EYS: variants seen among roughly 807,000 people sequenced by gnomAD.
EYS encodes EGF-like photoreceptor maintenance factor.
A neutral mutation model predicts 282.1 loss-of-function variants in EYS; 250 were observed. The observed-to-expected ratio is 0.89, with a 90% CI of 0.80 to 0.98. EYS has a LOEUF of 0.98. Ranked by LOEUF, EYS falls within the 50% of genes least tolerant of loss-of-function variation. The pLI, the probability that EYS is intolerant of heterozygous loss-of-function variation, is 0.00. For missense variants in EYS, 4,016 were observed against 3,709.0 expected (o/e 1.08, Z -2.15); for synonymous variants, 1,355 against 1,282.9 (o/e 1.06, Z -1.20).
In EYS at chr6:65,066,058, A is replaced by T. The variant is rs372954442; in HGVS notation, c.2024-8331T>A. On this transcript the variant is annotated intron_variant, in intron 12 of 42. Transcript: ENST00000503581. ...TGACAACCACAAAAATAAAGAGGCTAGGGACATCATTGCTTGTTGATGGGC... is the reference window on the plus strand; with the variant it reads ...TGACAACCACAAAAATAAAGAGGCTTGGGACATCATTGCTTGTTGATGGGC... 1.4e-4 allele frequency among the ~76,000 whole-genome samples: 21 copies of T among 152,346 alleles called. No homozygotes were observed. The East Asian group carries it at 3.9e-3, about 28-fold the overall frequency.
At chr6:65,522,586 T>A (rs1767412524) in intron 2 of EYS, among the ~76,000 whole-genome samples, 1 of 152,170 alleles carries the variant, frequency 6.6e-6, no homozygotes, top group Non-Finnish European at 1.5e-5. Flanking sequence ...TATGTATGCA[T>A]ATTTTTGTAT....
intron 31 of EYS, among the ~76,000 whole-genome samples, chr6:64,182,630 C>T (rs1343204633): frequency 6.6e-6 from 1 of 152,160 alleles, no homozygotes; most frequent in African/African-American, 2.4e-5. Context: ...CATCAGTGAT[C>T]GTGTCCTGCT....
intron 36 of EYS, among the ~76,000 whole-genome samples, chr6:63,839,437 T>C (rs60885220): frequency 0.13 from 20,286 of 152,222 alleles, 1,700 homozygotes; most frequent in African/African-American, 0.24. Context: ...TGTATATGTA[T>C]GACATTTTCT....
rs79137782 is a variant in EYS, at chr6:63,828,545, C to T, written c.7229-22173G>A. ...ACCTGAAGAGAACAATAACAAGCAG[C>T]GAGAATGGAGAAAATCTTCACAATC... On this transcript the variant is annotated intron_variant, in intron 36 of 42. Coordinates refer to ENST00000503581, the MANE Select transcript of EYS (RefSeq NM_001142800.2). Among the ~76,000 whole-genome samples the T allele has an allele frequency of 3.1e-3, 478 of 152,148 alleles. 3 individuals are homozygous for T. Among genetic ancestry groups the T allele is most frequent in the Admixed American group, 9.0e-3 (137 of 15,280 alleles).
intron 1 of EYS, among the ~76,000 whole-genome samples, chr6:65,681,813 C>G (rs1307184903): frequency 6.6e-6 from 1 of 151,866 alleles, no homozygotes; most frequent in Non-Finnish European, 1.5e-5. Context: ...CTTTGAGCCT[C>G]TTGCTAGTTT....
intron 31 of EYS, among the ~76,000 whole-genome samples, chr6:64,116,877 G>A (rs560379622): frequency 6.6e-6 from 1 of 152,222 alleles, no homozygotes; most frequent in East Asian, 1.9e-4. Flanking sequence ...AGATATGCCA[G>A]TTGTAAATAT....
At chr6:64,936,281 A>G (rs1378947529) in intron 15 of EYS, among the ~76,000 whole-genome samples, 5 of 151,538 alleles carry the variant, frequency 3.3e-5, no homozygotes, top group Admixed American at 1.3e-4. Context: ...CAAACCAGAA[A>G]CAGGAGGGAA....
At position 63,827,347 on chromosome 6, in the gene EYS, G is replaced by A. The variant is rs557315884; in HGVS notation, c.7229-20975C>T. ...AGTGGGGGACTTCAATACTCCACTG[G>A]CAGCACTAAATACTTCATCAAGACA... is the stretch of plus-strand genomic sequence containing the variant. On this transcript the variant is annotated intron_variant, in intron 36 of 42. Coordinates refer to ENST00000503581, the MANE Select transcript of EYS (RefSeq NM_001142800.2). Among the ~76,000 whole-genome samples the A allele has an allele frequency of 7.2e-5, 11 of 152,274 alleles. No individual in the cohort carries two copies. In the South Asian group the frequency reaches 8.3e-4, roughly 11 times the overall value.
At chr6:64,074,732 G>A (rs1292045486) in intron 32 of EYS, among the ~76,000 whole-genome samples, 1 of 151,700 alleles carries the variant, frequency 6.6e-6, no homozygotes, top group Non-Finnish European at 1.5e-5. Context: ...TATTAAATCT[G>A]GAAATTTCCA....
intron 26 of EYS, among the ~76,000 whole-genome samples, chr6:64,445,142 G>T (rs888807540): frequency 6.6e-6 from 1 of 152,108 alleles, no homozygotes; most frequent in Admixed American, 6.5e-5. Context: ...ATTTTAAAAA[G>T]TCAGGACGAT....
chr6:65,398,500 G>A (rs1766374626), intron 7 of EYS, among the ~76,000 whole-genome samples: 1 of 151,524 alleles, frequency 6.6e-6, no homozygotes, highest in African/African-American at 2.4e-5. Flanking sequence ...CTTAAGACCT[G>A]TCATTTTAAA....
intron 19 of EYS, among the ~76,000 whole-genome samples, chr6:64,856,794 T>C (rs566590261): frequency 3.3e-5 from 5 of 152,238 alleles, no homozygotes; most frequent in South Asian, 4.1e-4. Context: ...TTTTTTCTTC[T>C]CTCATGGATC....
chr6:63,729,775 C>T (rs904753971), intron 41 of EYS, among the ~76,000 whole-genome samples: 1 of 152,066 alleles, frequency 6.6e-6, no homozygotes. Flanking sequence ...GCTTCATGTG[C>T]CCCTGTCTTA....
At chr6:64,898,946 G>C (rs1246565847) in intron 18 of EYS, among the ~76,000 whole-genome samples, 1 of 150,948 alleles carries the variant, frequency 6.6e-6, no homozygotes, top group Non-Finnish European at 1.5e-5. Context: ...GGAGCACCCA[G>C]ATTAATAAAG....
At chr6:64,424,125 G>A (rs1179912518) in intron 28 of EYS, among the ~76,000 whole-genome samples, 3 of 152,090 alleles carry the variant, frequency 2.0e-5, no homozygotes, top group Admixed American at 6.5e-5. Flanking sequence ...ATGATATAAA[G>A]TTTGACTCAA....
At chr6:65,257,592 G>A (rs1034078681) in intron 12 of EYS, among the ~76,000 whole-genome samples, 9 of 150,998 alleles carry the variant, frequency 6.0e-5, no homozygotes, top group East Asian at 3.9e-4. Flanking sequence ...GGTAAGCGGC[G>A]TTATTTCTGA....
At chr6:64,555,351 TG>T (rs905582927) in intron 26 of EYS, among the ~76,000 whole-genome samples, 3 of 151,666 alleles carry the variant, frequency 2.0e-5, no homozygotes, top group East Asian at 1.9e-4. Flanking sequence ...AGGGAATTAA[TG>T]GGGGGGTAGA....
At chr6:65,103,454 C>T (rs1475386204) in intron 12 of EYS, among the ~76,000 whole-genome samples, 1 of 151,214 alleles carries the variant, frequency 6.6e-6, no homozygotes, top group Non-Finnish European at 1.5e-5. Context: ...TTTCACTGAC[C>T]TTTTCATTCA....
At chr6:64,907,938 G>A (rs1379512152) in intron 16 of EYS, among the ~76,000 whole-genome samples, 1 of 152,178 alleles carries the variant, frequency 6.6e-6, no homozygotes, top group Admixed American at 6.5e-5. Flanking sequence ...AAATAAAGCA[G>A]GGAAGAGAGT....
Sources: allele counts gnomAD v4.1 joint callset (sites outside exome capture counted in the v4.1 genomes callset), GRCh38; gene constraint gnomAD v4.1.1; transcripts MANE v1.5; gene names NCBI Gene and HGNC (gene_info 2026-07-23, HGNC 2026-07-21).